The following RUBCN variants were observed in gnomAD, a reference collection of about 807,000 sequenced individuals.
The protein encoded by RUBCN is rubicon autophagy regulator, also known as run domain Beclin-1-interacting and cysteine-rich domain-containing protein.
Under a neutral mutation model 113.2 loss-of-function variants are expected in RUBCN, and 74 were observed. The ratio of observed to expected loss-of-function variants is 0.65; its 90% CI spans 0.54 to 0.79. The LOEUF is 0.79. Ranked by LOEUF, RUBCN falls within the 30% of genes least tolerant of loss-of-function variation. The probability of loss-of-function intolerance (pLI) is 0.00; values close to 1 mark genes in which losing one functional copy is unlikely to be tolerated. For missense variants in RUBCN, 1,109 were observed against 1,251.7 expected (o/e 0.89, Z 1.72); for synonymous variants, 480 against 490.0 (o/e 0.98, Z 0.27).
At chr3:197,682,007 G>C in intron 14 of RUBCN, 108 bp from the exon 15 acceptor site, 1 of 863,186 alleles carries the variant, frequency 1.2e-6, no homozygotes, top group Non-Finnish European at 1.9e-6. Context: ...TATGGGAAGA[G>C]AGGGGAATTC....
At chr3:197,705,393 C>T (rs933729277) in intron 2 of RUBCN, among the ~76,000 whole-genome samples, 1 of 151,842 alleles carries the variant, frequency 6.6e-6, no homozygotes, top group Non-Finnish European at 1.5e-5. Flanking sequence ...GGTAGACTGG[C>T]CCATCTCTAC....
Position 197,669,561 on chromosome 3 carries a change from A to G in RUBCN, c.*5457T>C, listed in dbSNP as rs753351346. On this transcript the variant is annotated 3_prime_UTR_variant, in exon 20 of 20. Coordinates refer to ENST00000296343, the MANE Select transcript of RUBCN (RefSeq NM_014687.4). ...TGTATTAGTAGGTACATGACATCCA[A>G]TGACATCTTTGGAGATGTTAACGTT... is the stretch of plus-strand genomic sequence containing the variant. Among the ~76,000 whole-genome samples, 5 of 152,340 alleles carry G rather than the reference A, an allele frequency of 3.3e-5. No individual in the cohort carries two copies. Among genetic ancestry groups the G allele is most frequent in the East Asian group, 1.9e-4 (1 of 5,186 alleles).
At chr3:197,717,161 G>A (rs949325215) in intron 2 of RUBCN, among the ~76,000 whole-genome samples, 8 of 150,834 alleles carry the variant, frequency 5.3e-5, no homozygotes, top group African/African-American at 2.0e-4. Flanking sequence ...AGAGCTGGGT[G>A]CGGTGGCTCA....
upstream of RUBCN, among the ~76,000 whole-genome samples, chr3:197,741,676 C>T (rs1033366933): frequency 8.6e-5 from 13 of 151,748 alleles, no homozygotes; most frequent in African/African-American, 2.9e-4. Context: ...ACTAAAAATT[C>T]GCCAGGCATG....
chr3:197,728,401 T>C (rs1362846966), intron 1 of RUBCN, among the ~76,000 whole-genome samples: 1 of 152,350 alleles, frequency 6.6e-6, no homozygotes, highest in East Asian at 1.9e-4. Context: ...TAAAATCATG[T>C]GATCATCCTG....
At position 197,680,561 on chromosome 3, in the gene RUBCN, C is replaced by T. The variant is rs116455934; in HGVS notation, c.2430+568G>A. On this transcript the variant is annotated intron_variant, in intron 16 of 19. Coordinates refer to ENST00000296343, the MANE Select transcript of RUBCN (RefSeq NM_014687.4). Reference sequence around the variant, plus strand: ...AACTGGCTTCAGACTGTCTTACGCTCTAACTGACAACTGGCTTCAGACTGT... The same window carrying T: ...AACTGGCTTCAGACTGTCTTACGCTTTAACTGACAACTGGCTTCAGACTGT... Among the ~76,000 whole-genome samples, 1,462 of 149,044 alleles carry T rather than the reference C, an allele frequency of 9.8e-3. 15 individuals carry two copies. Among genetic ancestry groups the T allele is most frequent in the African/African-American group, 0.027 (1,053 of 39,618 alleles).
Position 197,736,672 on chromosome 3 carries a change from G to C in RUBCN, c.48C>G (p.Arg16=). ...AGMELGGGEE[R]LPEESRREHW... ...CAGCCCACCTGCTCTCCTCAGGCAG[G>C]CGCTCCTCGCCGCCTCCGAGCTCCA... Residue 16 remains arginine (R), a synonymous_variant, in exon 1 of 20, where the codon CGC becomes CGG. Transcript: ENST00000296343. The C allele has an allele frequency of 6.5e-7, 1 of 1,532,412 alleles. No individual in the cohort carries two copies. Among genetic ancestry groups the C allele is most frequent in the Non-Finnish European group, 8.7e-7 (1 of 1,146,114 alleles). 94.9% of individuals were successfully genotyped at this position (1,532,412 alleles called of 1,614,324 possible).
chr3:197,696,645 T>G (rs1723035908), intron 8 of RUBCN, among the ~76,000 whole-genome samples: 1 of 144,478 alleles, frequency 6.9e-6, no homozygotes, highest in Non-Finnish European at 1.5e-5. Flanking sequence ...GCCCAGATAC[T>G]CCAAGGCCTC....
intron 2 of RUBCN, among the ~76,000 whole-genome samples, chr3:197,712,929 A>G (rs1006092937): frequency 9.3e-5 from 14 of 150,522 alleles, no homozygotes; most frequent in African/African-American, 3.4e-4. Flanking sequence ...GTGCAATCTC[A>G]GCTCACTGCA....
intron 1 of RUBCN, among the ~76,000 whole-genome samples, chr3:197,745,156 G>A (rs565978934): frequency 1.2e-3 from 179 of 151,958 alleles, no homozygotes; most frequent in Non-Finnish European, 2.1e-3. Context: ...GTGGTGGCAC[G>A]CACCTGTAGT....
In RUBCN at chr3:197,681,825, A is replaced by AG. The variant is rs775322211; in HGVS notation, c.2191+9dup. 6.2e-7 allele frequency: 1 copy of AG among 1,612,706 alleles called. No homozygotes were observed. Among genetic ancestry groups the AG allele is most frequent in the Non-Finnish European group, 8.5e-7 (1 of 1,178,750 alleles). On this transcript the variant is annotated intron_variant, in intron 15 of 19. Transcript: ENST00000296343. The surrounding 1 kb of genome is among the most constrained non-coding windows in gnomAD (Gnocchi z 5.5). ...CTGGAGGCAGCATGGTGGGAAGGGA[A>AG]GGCACTCACCAGGGTCAGTCCGGAT... is the stretch of plus-strand genomic sequence containing the variant.
rs1479293563 is a variant in RUBCN, at chr3:197,679,915, C to T, written c.2430+1214G>A. ...TGACAACTGGCTTCAGACTGTCCTA[C>T]GCTCTGACAACTGGCTCCAGACTGT... On this transcript the variant is annotated intron_variant, in intron 16 of 19. Transcript: ENST00000296343. Among the ~76,000 whole-genome samples the T allele has an allele frequency of 4.9e-3, 708 of 144,266 alleles. 3 individuals are homozygous for T. The highest frequency in any genetic ancestry group is 7.7e-3 in the Non-Finnish European group (502 of 65,006). The allele number at this position is 144,266 out of a possible 152,430, so 94.6% of individuals were successfully genotyped here.
At chr3:197,699,804 T>C (rs1723434461) in intron 7 of RUBCN, among the ~76,000 whole-genome samples, 1 of 152,148 alleles carries the variant, frequency 6.6e-6, no homozygotes, top group Non-Finnish European at 1.5e-5. Flanking sequence ...GCCCCCTCTT[T>C]TTTTTAGGTC....
chr3:197,715,290 G>GAAA (rs35511002), intron 2 of RUBCN, among the ~76,000 whole-genome samples: 1 of 102,818 alleles, frequency 9.7e-6, no homozygotes, highest in Non-Finnish European at 2.0e-5. Context: ...ACTCTATCTT[G>GAAA]AAAAAAAAAA....
At chr3:197,695,632 T>C (rs939043782) in intron 9 of RUBCN, among the ~76,000 whole-genome samples, 1 of 152,186 alleles carries the variant, frequency 6.6e-6, no homozygotes, top group Non-Finnish European at 1.5e-5. Flanking sequence ...ACAAACTTGA[T>C]GCTTCTCTGC....
Position 197,677,187 on chromosome 3 carries a change from C to G in RUBCN, c.2493-149G>C, listed in dbSNP as rs143632006. 2.0e-5 allele frequency: 18 copies of G among 889,926 alleles called. No homozygotes were observed. In the Middle Eastern group the frequency reaches 9.8e-4, roughly 49 times the overall value. The allele number at this position is 889,926 out of a possible 1,614,324, so 55.1% of individuals were successfully genotyped here. On this transcript the variant is annotated intron_variant, in intron 17 of 19. Coordinates refer to ENST00000296343, the MANE Select transcript of RUBCN (RefSeq NM_014687.4). ...GTTCCAGGCCGCCGCAGCCGTTCCA[C>G]GCTATTAGGTGTCTGGATGGCAGGA... is the stretch of plus-strand genomic sequence containing the variant.
At chr3:197,679,818 T>C (rs1720983743) in intron 16 of RUBCN, among the ~76,000 whole-genome samples, 2 of 143,500 alleles carry the variant, frequency 1.4e-5, no homozygotes, top group African/African-American at 2.6e-5. Context: ...GGCTCCAGAC[T>C]GTCCTACGCT....
intron 18 of RUBCN, 41 bp downstream of exon 18, chr3:197,676,844 A>G (rs1720494655): frequency 3.1e-6 from 5 of 1,613,648 alleles, no homozygotes; most frequent in Admixed American, 1.7e-5. Context: ...GTATCCCTAA[A>G]AGCAAGGGCT....
At chr3:197,677,981 A>G (rs1285968503) in intron 16 of RUBCN, among the ~76,000 whole-genome samples, 2 of 128,846 alleles carry the variant, frequency 1.6e-5, no homozygotes, top group Non-Finnish European at 3.3e-5. Context: ...ACTGTCCCAC[A>G]CTCTGACTGA....
Sources: gnomAD v4.1 joint callset for allele counts (sites outside exome capture counted in the v4.1 genomes callset) on GRCh38, gnomAD v4.1.1 for gene constraint, Gnocchi (gnomAD v3.1) non-coding constraint, MANE v1.5 for transcripts, NCBI Gene and HGNC (gene_info 2026-07-23, HGNC 2026-07-21) for gene names.